GALNT17: variants seen among roughly 807,000 people sequenced by gnomAD.
The protein encoded by GALNT17 is polypeptide N-acetylgalactosaminyltransferase 17.
Under a neutral mutation model 63.7 loss-of-function variants are expected in GALNT17, and 29 were observed. That is an observed-to-expected ratio of 0.46 (90% CI 0.34 to 0.62). The LOEUF (loss-of-function observed/expected upper bound fraction) is 0.62, where lower values mean the gene tolerates loss of function less well. GALNT17 is among the 20% of genes least tolerant of loss of function. The pLI, the probability that GALNT17 is intolerant of heterozygous loss-of-function variation, is 0.01. For synonymous variants in GALNT17, 305 were observed against 318.3 expected (o/e 0.96, Z 0.45); for missense variants, 603 against 799.6 (o/e 0.75, Z 2.97).
intron 9 of GALNT17, among the ~76,000 whole-genome samples, chr7:71,684,811 G>A (rs980211719): frequency 6.6e-6 from 1 of 151,892 alleles, no homozygotes; most frequent in African/African-American, 2.4e-5. Context: ...TACTGGTTAT[G>A]AACCACCACA....
chr7:71,316,941 T>C (rs1791511216), intron 1 of GALNT17, among the ~76,000 whole-genome samples: 1 of 152,128 alleles, frequency 6.6e-6, no homozygotes, highest in Admixed American at 6.5e-5. Context: ...TTCCACAAAC[T>C]CTGGCCATTG....
chr7:71,254,047 A>G (rs1002052489), intron 1 of GALNT17, among the ~76,000 whole-genome samples: 2 of 152,214 alleles, frequency 1.3e-5, no homozygotes, highest in Non-Finnish European at 2.9e-5. Context: ...TCAGGGAGAC[A>G]TAAGACATCA....
In GALNT17 at chr7:71,645,602, T is replaced by C. The variant is rs573953061; in HGVS notation, c.1081-19809T>C. Among the ~76,000 whole-genome samples, 9 of 152,280 alleles carry C rather than the reference T, an allele frequency of 5.9e-5. 1 individual carries two copies. The South Asian group carries it at 1.9e-3, about 32-fold the overall frequency. ...TCTTTATAGCAGTGTGAAAATGAAC[T>C]ATTACAGATGGTTATAGGCCCAAGA... On this transcript the variant is annotated intron_variant, in intron 6 of 10. Coordinates refer to ENST00000333538, the MANE Select transcript of GALNT17 (RefSeq NM_022479.3).
chr7:71,377,914 C>T (rs1792775479), intron 2 of GALNT17, among the ~76,000 whole-genome samples: 1 of 152,150 alleles, frequency 6.6e-6, no homozygotes, highest in African/African-American at 2.4e-5. Flanking sequence ...TGAGGCCTTC[C>T]AAGCCATGTG....
At chr7:71,267,155 G>T (rs1790505225) in intron 1 of GALNT17, among the ~76,000 whole-genome samples, 1 of 152,170 alleles carries the variant, frequency 6.6e-6, no homozygotes, top group African/African-American at 2.4e-5. Flanking sequence ...CCGTTTGCTA[G>T]GCTGCAAGTT....
chr7:71,304,881 T>G (rs1422869203), intron 1 of GALNT17, among the ~76,000 whole-genome samples: 1 of 152,114 alleles, frequency 6.6e-6, no homozygotes, highest in Non-Finnish European at 1.5e-5. Context: ...GTAGCTGGGA[T>G]TACAGGTGCC....
In GALNT17 at chr7:71,221,048, A is replaced by C. The variant is rs1358123666; in HGVS notation, c.238+88008A>C. Among the ~76,000 whole-genome samples the C allele has an allele frequency of 2.6e-5, 4 of 152,290 alleles. No individual in the cohort carries two copies. In the East Asian group the frequency reaches 7.7e-4, roughly 29 times the overall value. On this transcript the variant is annotated intron_variant, in intron 1 of 10. Coordinates refer to ENST00000333538, the MANE Select transcript of GALNT17 (RefSeq NM_022479.3). Reference sequence around the variant, plus strand: ...GTGTGCATGCTGGGCGCTGAGCCTCATGAAGGAGCTCAGGACTCTCCATCT... The same window carrying C: ...GTGTGCATGCTGGGCGCTGAGCCTCCTGAAGGAGCTCAGGACTCTCCATCT...
chr7:71,296,248 T>C (rs983086726), intron 1 of GALNT17, among the ~76,000 whole-genome samples: 8 of 152,224 alleles, frequency 5.3e-5, no homozygotes, highest in South Asian at 2.1e-4. Context: ...TTTCTTTTGA[T>C]TCCTTATTAT....
chr7:71,462,611 A>G (rs1787470378), intron 5 of GALNT17, among the ~76,000 whole-genome samples: 1 of 152,194 alleles, frequency 6.6e-6, no homozygotes, highest in Admixed American at 6.5e-5. Context: ...CAATCAATAT[A>G]TGTTAAAAGT....
At chr7:71,699,772 AT>A (rs112893918) in intron 9 of GALNT17, among the ~76,000 whole-genome samples, 7 of 150,856 alleles carry the variant, frequency 4.6e-5, no homozygotes, top group Non-Finnish European at 3.0e-5. Context: ...TGTCTCTATG[AT>A]TTTTTTTTAA....
chr7:71,149,278 T>C (rs2116208701), intron 1 of GALNT17, among the ~76,000 whole-genome samples: 1 of 152,306 alleles, frequency 6.6e-6, no homozygotes. Flanking sequence ...GTTAACTTAA[T>C]TCGACATCAC....
At chr7:71,246,981 C>T (rs1173110390) in intron 1 of GALNT17, among the ~76,000 whole-genome samples, 1 of 152,018 alleles carries the variant, frequency 6.6e-6, no homozygotes, top group Non-Finnish European at 1.5e-5. Flanking sequence ...TGCCATGTTG[C>T]CCAGGCTGGT....
chr7:71,471,433 A>G (rs779903224), intron 5 of GALNT17, among the ~76,000 whole-genome samples: 11 of 151,074 alleles, frequency 7.3e-5, no homozygotes, highest in African/African-American at 1.7e-4. Context: ...ACCAAAAACC[A>G]TATTTGGCTC....
At chr7:71,190,310 C>G (rs1004334597) in intron 1 of GALNT17, among the ~76,000 whole-genome samples, 1 of 152,140 alleles carries the variant, frequency 6.6e-6, no homozygotes, top group Non-Finnish European at 1.5e-5. Context: ...GGTAGCGGAT[C>G]CCTCATGGCT....
chr7:71,227,591 C>A (rs575232655), intron 1 of GALNT17, among the ~76,000 whole-genome samples: 1 of 152,168 alleles, frequency 6.6e-6, no homozygotes, highest in South Asian at 2.1e-4. Flanking sequence ...ATCCCTCCTA[C>A]CCCCCTTGCT....
intron 1 of GALNT17, among the ~76,000 whole-genome samples, chr7:71,242,426 GC>G (rs1312380093): frequency 6.6e-6 from 1 of 151,418 alleles, no homozygotes; most frequent in Non-Finnish European, 1.5e-5. Flanking sequence ...CTACCACCAC[GC>G]CCGGCTAATT....
chr7:71,529,304 T>TG (rs60199686), intron 5 of GALNT17, among the ~76,000 whole-genome samples: 13 of 151,870 alleles, frequency 8.6e-5, no homozygotes, highest in African/African-American at 1.2e-4. Context: ...CTTCAAGGGA[T>TG]GGGGGGGCAA....
intron 2 of GALNT17, among the ~76,000 whole-genome samples, chr7:71,385,570 A>G (rs1207736673): frequency 6.6e-6 from 1 of 152,140 alleles, no homozygotes; most frequent in Non-Finnish European, 1.5e-5. Context: ...CATGAGCTTT[A>G]TGCACATTCC....
chr7:71,224,218 TGTATTTTTA>T (rs1789640214), intron 1 of GALNT17, among the ~76,000 whole-genome samples: 2 of 152,116 alleles, frequency 1.3e-5, no homozygotes, highest in South Asian at 4.1e-4. Flanking sequence ...TGGCTAACTT[TGTATTTTTA>T]GTAAACGGAG....
Sources: allele counts gnomAD v4.1 joint callset (sites outside exome capture counted in the v4.1 genomes callset), GRCh38; gene constraint gnomAD v4.1.1; transcripts MANE v1.5; gene names NCBI Gene and HGNC (gene_info 2026-07-23, HGNC 2026-07-21).